The following KCTD8 variants were observed in gnomAD, a reference collection of about 807,000 sequenced individuals.
KCTD8 encodes BTB/POZ domain-containing protein KCTD8.
In KCTD8, 27 loss-of-function variants were observed where a neutral mutation model predicts 31.5. That is an observed-to-expected ratio of 0.86 (90% CI 0.63 to 1.18). KCTD8 has a LOEUF of 1.18. KCTD8 is among the 50% of genes most tolerant of loss of function. The pLI is 0.00. For synonymous variants in KCTD8, 290 were observed against 280.0 expected, an observed-to-expected ratio of 1.04 and a Z score of -0.36; for missense variants, 658 against 647.7, an observed-to-expected ratio of 1.02 and a Z score of -0.17.
intron 1 of KCTD8, among the ~76,000 whole-genome samples, chr4:44,406,802 T>C (rs899040970): frequency 6.6e-6 from 1 of 152,216 alleles, no homozygotes; most frequent in African/African-American, 2.4e-5. Flanking sequence ...AAATATCCCA[T>C]CTGTGTTTCT....
At chr4:44,387,227 CACAA>C (rs1720246404) in intron 1 of KCTD8, among the ~76,000 whole-genome samples, 1 of 151,564 alleles carries the variant, frequency 6.6e-6, no homozygotes, top group South Asian at 2.1e-4. Flanking sequence ...TCAGAGATGA[CACAA>C]ACAAATAAAA....
At chr4:44,410,527 G>T (rs933753879) in intron 1 of KCTD8, among the ~76,000 whole-genome samples, 1 of 152,078 alleles carries the variant, frequency 6.6e-6, no homozygotes, top group Non-Finnish European at 1.5e-5. Context: ...GAGGTTATGG[G>T]TATTAGTTTG....
Position 44,324,053 on chromosome 4 carries a change from A to AAAACAAAAC in KCTD8, c.961+123509_961+123510insGTTTTGTTT, listed in dbSNP as rs1553901460. On this transcript the variant is annotated intron_variant, in intron 1 of 1. Transcript: ENST00000360029. ...AAACTTAAAGTATAATTAAAAAAAAAAAAACAAAACAAAACAAAACAAAAA... is the reference window on the plus strand; with the variant it reads ...AAACTTAAAGTATAATTAAAAAAAAAAAACAAAACAAAACAAAACAAAACAAAACAAAAA... 4.1e-5 allele frequency among the ~76,000 whole-genome samples: 6 copies of AAAACAAAAC among 145,002 alleles called. No individual in the cohort carries two copies. The East Asian group carries it at 1.2e-3, about 30-fold the overall frequency.
intron 1 of KCTD8, among the ~76,000 whole-genome samples, chr4:44,220,635 G>C (rs1369295290): frequency 6.6e-6 from 1 of 152,136 alleles, no homozygotes; most frequent in African/African-American, 2.4e-5. Flanking sequence ...GTTCTTTGGG[G>C]CTTCTTAGTA....
chr4:44,311,484 T>C (rs561333091), intron 1 of KCTD8, among the ~76,000 whole-genome samples: 100 of 152,242 alleles, frequency 6.6e-4, no homozygotes, highest in Middle Eastern at 3.4e-3. Flanking sequence ...TCCACCTTAT[T>C]TTTAAGGAAG....
intron 1 of KCTD8, among the ~76,000 whole-genome samples, chr4:44,325,854 A>G (rs569495458): frequency 2.0e-5 from 3 of 151,918 alleles, no homozygotes; most frequent in Non-Finnish European, 4.4e-5. Flanking sequence ...GTTATTAGGT[A>G]TAAGTCACCA....
chr4:44,405,987 T>C (rs1720786064), intron 1 of KCTD8, among the ~76,000 whole-genome samples: 1 of 152,134 alleles, frequency 6.6e-6, no homozygotes, highest in Non-Finnish European at 1.5e-5. Context: ...TCTATTTCCT[T>C]TGTGATCAAC....
intron 1 of KCTD8, among the ~76,000 whole-genome samples, chr4:44,246,295 T>A (rs1172413779): frequency 6.6e-6 from 1 of 152,028 alleles, no homozygotes; most frequent in Non-Finnish European, 1.5e-5. Flanking sequence ...GTTTGAACTC[T>A]AACTCTCCAA....
chr4:44,333,017 T>C (rs902541023), intron 1 of KCTD8, among the ~76,000 whole-genome samples: 8 of 152,060 alleles, frequency 5.3e-5, no homozygotes, highest in Non-Finnish European at 1.0e-4. Flanking sequence ...TCAATACACC[T>C]GCTATGTTCA....
At chr4:44,362,083 A>C (rs1187682727) in intron 1 of KCTD8, among the ~76,000 whole-genome samples, 2 of 152,146 alleles carry the variant, frequency 1.3e-5, no homozygotes, top group African/African-American at 2.4e-5. Flanking sequence ...GAGGAGATAA[A>C]AAATTCCAGG....
intron 1 of KCTD8, among the ~76,000 whole-genome samples, chr4:44,319,460 G>T (rs1718230843): frequency 1.4e-5 from 2 of 146,996 alleles, no homozygotes; most frequent in Non-Finnish European, 3.0e-5. Context: ...TACCCCTGTG[G>T]TAAAAAAAAA....
intron 1 of KCTD8, among the ~76,000 whole-genome samples, chr4:44,250,198 C>T (rs1251517628): frequency 6.6e-6 from 1 of 151,616 alleles, no homozygotes; most frequent in East Asian, 1.9e-4. Flanking sequence ...ATGTGTATCT[C>T]CAATTTTACT....
chr4:44,251,575 TA>T (rs1451735479), intron 1 of KCTD8, among the ~76,000 whole-genome samples: 1 of 151,640 alleles, frequency 6.6e-6, no homozygotes, highest in East Asian at 1.9e-4. Context: ...TTTGTTATTA[TA>T]AATAATATTT....
At chr4:44,317,507 G>T (rs1483773433) in intron 1 of KCTD8, among the ~76,000 whole-genome samples, 5 of 140,864 alleles carry the variant, frequency 3.5e-5, no homozygotes, top group African/African-American at 1.6e-4. Flanking sequence ...CCAAAGTGCT[G>T]GGATTACAGG....
At chr4:44,281,724 T>C (rs1166080759) in intron 1 of KCTD8, among the ~76,000 whole-genome samples, 5 of 152,116 alleles carry the variant, frequency 3.3e-5, no homozygotes, top group South Asian at 2.1e-4. Flanking sequence ...AGAGCAGCTA[T>C]GTAGAACTTT....
intron 1 of KCTD8, among the ~76,000 whole-genome samples, chr4:44,435,309 G>A (rs1311976098): frequency 6.6e-6 from 1 of 151,832 alleles, no homozygotes; most frequent in Non-Finnish European, 1.5e-5. Flanking sequence ...CTATAAAGTG[G>A]CAAAAACAAA....
intron 1 of KCTD8, among the ~76,000 whole-genome samples, chr4:44,354,302 T>C (rs566952388): frequency 3.9e-5 from 6 of 152,268 alleles, no homozygotes; most frequent in African/African-American, 1.2e-4. Context: ...CTCCCTGGCT[T>C]CAACACTACA....
intron 1 of KCTD8, among the ~76,000 whole-genome samples, chr4:44,375,024 G>A (rs4133359): frequency 0.55 from 83,512 of 151,922 alleles, 22,986 homozygotes; most frequent in East Asian, 0.64. Flanking sequence ...ATAAAGTGCA[G>A]TAAAACAAGG....
At chr4:44,291,473 T>C (rs1437063712) in intron 1 of KCTD8, among the ~76,000 whole-genome samples, 3 of 152,264 alleles carry the variant, frequency 2.0e-5, no homozygotes, top group South Asian at 2.1e-4. Flanking sequence ...TGTCATGTTA[T>C]ACAAAAATTA....
Sources: allele counts gnomAD v4.1 joint callset (sites outside exome capture counted in the v4.1 genomes callset), GRCh38; gene constraint gnomAD v4.1.1; transcripts MANE v1.5; gene names NCBI Gene and HGNC (gene_info 2026-07-23, HGNC 2026-07-21).